Variants in EYA4 observed in about 807,000 individuals in gnomAD.
The protein encoded by EYA4 is protein phosphatase EYA4.
A neutral mutation model predicts 87.9 loss-of-function variants in EYA4; 31 were observed. The ratio of observed to expected loss-of-function variants is 0.35; its 90% CI spans 0.27 to 0.48. The LOEUF is 0.48. Among genes scored for constraint, EYA4 ranks in the 20% least tolerant of loss-of-function variants. The pLI, the probability that EYA4 is intolerant of heterozygous loss-of-function variation, is 0.99. For synonymous variants in EYA4, 263 were observed against 270.6 expected, an observed-to-expected ratio of 0.97 and a Z score of 0.28; for missense variants, 678 against 761.4, an observed-to-expected ratio of 0.89 and a Z score of 1.29.
chr6:133,517,713 G>A (rs2128796867), intron 17 of EYA4, among the ~76,000 whole-genome samples: 1 of 151,894 alleles, frequency 6.6e-6, no homozygotes, highest in African/African-American at 2.4e-5. Context: ...TAGTTTGTCA[G>A]TTCTAGGGAC....
At chr6:133,356,047 GAA>G (rs1783998150) in intron 2 of EYA4, among the ~76,000 whole-genome samples, 1 of 117,354 alleles carries the variant, frequency 8.5e-6, no homozygotes, top group African/African-American at 5.2e-5. Flanking sequence ...GAGAAAGAGA[GAA>G]AGAGAGAAAG....
Position 133,528,829 on chromosome 6 carries a change from A to C in EYA4, c.*24A>C, listed in dbSNP as rs1554276919. 1 of 1,612,444 alleles carries C rather than the reference A, an allele frequency of 6.2e-7. No individual in the cohort carries two copies. The highest frequency in any genetic ancestry group is 8.5e-7 in the Non-Finnish European group (1 of 1,178,724). ...AACTGTGTTCTTTAGCCGGAGATCC[A>C]TTTTTTATATTTCAAGTACACTGAA... On this transcript the variant is annotated 3_prime_UTR_variant, in exon 20 of 20. Coordinates refer to ENST00000355286, the MANE Select transcript of EYA4 (RefSeq NM_004100.5).
At chr6:133,266,420 A>G (rs1776231097) in intron 1 of EYA4, among the ~76,000 whole-genome samples, 2 of 152,178 alleles carry the variant, frequency 1.3e-5, no homozygotes, top group Non-Finnish European at 2.9e-5. Flanking sequence ...ATCTGCCAGC[A>G]CCTTGATTTA....
intron 5 of EYA4, among the ~76,000 whole-genome samples, chr6:133,454,553 A>G (rs1793744375): frequency 6.6e-6 from 1 of 152,128 alleles, no homozygotes; most frequent in Non-Finnish European, 1.5e-5. Flanking sequence ...CAGTTTCCTT[A>G]TCTGAAAAAT....
intron 3 of EYA4, 105 bp downstream of exon 3, chr6:133,382,546 T>C: frequency 1.2e-6 from 1 of 844,436 alleles, no homozygotes; most frequent in Non-Finnish European, 2.1e-6. Flanking sequence ...ACATTGAGCT[T>C]CTTGAAGAAC....
intron 11 of EYA4, among the ~76,000 whole-genome samples, chr6:133,477,279 G>T (rs770796667): frequency 1.3e-5 from 2 of 152,040 alleles, no homozygotes; most frequent in Non-Finnish European, 2.9e-5. Context: ...TCCTACACTT[G>T]TTATTTTTCT....
At chr6:133,446,387 GTGTTA>G (rs1407194661) in intron 3 of EYA4, among the ~76,000 whole-genome samples, 1 of 151,756 alleles carries the variant, frequency 6.6e-6, no homozygotes, top group African/African-American at 2.4e-5. Flanking sequence ...TTATAATAAC[GTGTTA>G]TGTTATTACA....
At chr6:133,352,541 CTT>C (rs1476293809) in intron 2 of EYA4, among the ~76,000 whole-genome samples, 1 of 151,954 alleles carries the variant, frequency 6.6e-6, no homozygotes, top group Non-Finnish European at 1.5e-5. Flanking sequence ...TAATTTGAAT[CTT>C]AAAAGAAATC....
intron 1 of EYA4, among the ~76,000 whole-genome samples, chr6:133,274,509 C>T (rs560094788): frequency 6.6e-6 from 1 of 152,240 alleles, no homozygotes; most frequent in Non-Finnish European, 1.5e-5. Context: ...TCCTGACTAG[C>T]TGTTCACATA....
chr6:133,484,933 G>A (rs1796558315), intron 13 of EYA4, among the ~76,000 whole-genome samples: 1 of 152,078 alleles, frequency 6.6e-6, no homozygotes, highest in Non-Finnish European at 1.5e-5. Context: ...TTATCCTTTT[G>A]TGGTCATTTT....
At chr6:133,395,088 A>G (rs1234990823) in intron 3 of EYA4, among the ~76,000 whole-genome samples, 1 of 152,226 alleles carries the variant, frequency 6.6e-6, no homozygotes, top group Non-Finnish European at 1.5e-5. Flanking sequence ...CTATTGCTTA[A>G]AATAACCACA....
chr6:133,304,234 C>T (rs1265752710), intron 2 of EYA4, among the ~76,000 whole-genome samples: 2 of 152,068 alleles, frequency 1.3e-5, no homozygotes, highest in Non-Finnish European at 2.9e-5. Flanking sequence ...TCTGGGGATA[C>T]ATACTCAATT....
chr6:133,286,563 CATTCAGTGA>C (rs947037145), intron 2 of EYA4, among the ~76,000 whole-genome samples: 7 of 151,672 alleles, frequency 4.6e-5, no homozygotes, highest in Middle Eastern at 6.8e-3. Context: ...TATGTGGCCA[CATTCAGTGA>C]ATTTTCCTCC....
chr6:133,328,238 T>C (rs1198771428), intron 2 of EYA4, among the ~76,000 whole-genome samples: 1 of 152,146 alleles, frequency 6.6e-6, no homozygotes, highest in Non-Finnish European at 1.5e-5. Flanking sequence ...AATGAAACAA[T>C]ACAAATAAGA....
chr6:133,488,039 C>T (rs2143012), intron 13 of EYA4, among the ~76,000 whole-genome samples: 6,015 of 152,168 alleles, frequency 0.04, 302 homozygotes, highest in East Asian at 0.18. Context: ...TGAAAGCATT[C>T]GCCACAAGCT....
chr6:133,401,213 G>T (rs912290600), intron 3 of EYA4, among the ~76,000 whole-genome samples: 2 of 152,138 alleles, frequency 1.3e-5, no homozygotes, highest in African/African-American at 4.8e-5. Flanking sequence ...ATAGAGAGTA[G>T]ATTGTAGATT....
chr6:133,315,604 G>T (rs1407612874), intron 2 of EYA4, among the ~76,000 whole-genome samples: 1 of 152,138 alleles, frequency 6.6e-6, no homozygotes, highest in East Asian at 1.9e-4. Context: ...AAAGTGGGAA[G>T]ATACTGAAGC....
At chr6:133,424,793 G>T (rs1562404432) in intron 3 of EYA4, among the ~76,000 whole-genome samples, 1 of 150,816 alleles carries the variant, frequency 6.6e-6, no homozygotes, top group Admixed American at 6.6e-5. Flanking sequence ...AAGGAGGCTT[G>T]GATCCACAGC....
intron 14 of EYA4, chr6:133,511,693 C>A (rs930231498): frequency 6.6e-6 from 1 of 152,054 alleles, no homozygotes; most frequent in African/African-American, 2.4e-5. Context: ...CAACTGTGGC[C>A]GGGCGTGGTG....
Sources: allele counts gnomAD v4.1 joint callset (sites outside exome capture counted in the v4.1 genomes callset), GRCh38; gene constraint gnomAD v4.1.1; transcripts MANE v1.5; gene names NCBI Gene and HGNC (gene_info 2026-07-23, HGNC 2026-07-21).